PDE10A: variants seen among roughly 807,000 people sequenced by gnomAD.
PDE10A encodes the protein phosphodiesterase 10A, also known as cAMP and cAMP-inhibited cGMP 3',5'-cyclic phosphodiesterase 10A.
PDE10A carries 39 observed loss-of-function variants against 97.7 expected under a neutral mutation model. The observed-to-expected ratio is 0.40, with a 90% CI of 0.31 to 0.52. The LOEUF (loss-of-function observed/expected upper bound fraction) is 0.52, where lower values mean the gene tolerates loss of function less well. Among genes scored for constraint, PDE10A ranks in the 20% least tolerant of loss-of-function variants. The pLI, the probability that PDE10A is intolerant of heterozygous loss-of-function variation, is 0.56. For missense variants in PDE10A, 731 were observed against 1,047.8 expected, an observed-to-expected ratio of 0.70 and a Z score of 4.17; for synonymous variants, 371 against 376.8, an observed-to-expected ratio of 0.98 and a Z score of 0.18.
intron 18 of PDE10A, among the ~76,000 whole-genome samples, chr6:165,349,686 C>A (rs570282918): frequency 6.6e-6 from 1 of 152,318 alleles, no homozygotes; most frequent in African/African-American, 2.4e-5. Flanking sequence ...CCATCACAAG[C>A]CCAGAGGCCC....
intron 1 of PDE10A, among the ~76,000 whole-genome samples, chr6:165,708,574 T>C (rs1303519711): frequency 6.6e-6 from 1 of 150,748 alleles, no homozygotes; most frequent in Non-Finnish European, 1.5e-5. Flanking sequence ...TCGTCCGTGC[T>C]CCTCCCCATC....
rs916612280 is a variant in PDE10A, at chr6:165,431,429, T to C, written c.1535A>G (p.Gln512Arg). The change falls in exon 8 of 22, where the codon CAG becomes CGG. Residue 512 changes from glutamine to arginine, a missense_variant. Gln to Arg is a conservative substitution (Grantham distance 43). Transcript: ENST00000539869. ...NLAWASVAIH[Q>R]VQVCRGLAKQ... Reference sequence around the variant, plus strand: ...AACACCCCAAAGACTCACCTGCACCTGATGTATTGCTACTGAAGCCCAGGC... The same window carrying C: ...AACACCCCAAAGACTCACCTGCACCCGATGTATTGCTACTGAAGCCCAGGC... 4 of 1,598,220 alleles carry C rather than the reference T, an allele frequency of 2.5e-6. No individual in the cohort carries two copies. Among genetic ancestry groups the C allele is most frequent in the Non-Finnish European group, 3.4e-6 (4 of 1,170,596 alleles).
chr6:165,750,034 G>A (rs373643433), intron 1 of PDE10A, among the ~76,000 whole-genome samples: 1 of 152,254 alleles, frequency 6.6e-6, no homozygotes, highest in Non-Finnish European at 1.5e-5. Flanking sequence ...AAGCTTCTCC[G>A]GGGGCAGTTG....
At chr6:165,426,445 C>T (rs1041343185) in intron 10 of PDE10A, among the ~76,000 whole-genome samples, 3 of 152,054 alleles carry the variant, frequency 2.0e-5, no homozygotes, top group African/African-American at 7.2e-5. Flanking sequence ...TGAAACTGGA[C>T]CTTTACCAAA....
rs1447629789 is a variant in PDE10A, at chr6:165,662,617, C to A, written c.195G>T (p.Pro65=). 1 of 142,850 alleles carries A rather than the reference C, an allele frequency of 7.0e-6. No homozygotes were observed. The highest frequency in any genetic ancestry group is 2.5e-5 in the African/African-American group (1 of 39,852). 8.8% of individuals were successfully genotyped at this position (142,850 alleles called of 1,614,324 possible). ...GRGRAERAAP[P]RPPLSSAGRP... ...GGCCTGCGGAGGAGAGGGGCGGGCG[C>A]GGGGGCGCGGCGCGCTCCGCCCGGC... Residue 65 remains proline, a synonymous_variant, in exon 1 of 22, where the codon CCG becomes CCT. Coordinates refer to ENST00000539869, the MANE Select transcript of PDE10A (RefSeq NM_001385079.1).
chr6:165,705,358 G>A (rs58508234), intron 1 of PDE10A, among the ~76,000 whole-genome samples: 2,431 of 152,330 alleles, frequency 0.016, 65 homozygotes, highest in African/African-American at 0.056. Context: ...CAGATGCCAG[G>A]GTCCCACTGG....
chr6:165,692,008 A>T (rs1262134755), intron 1 of PDE10A, among the ~76,000 whole-genome samples: 1 of 152,184 alleles, frequency 6.6e-6, no homozygotes, highest in Non-Finnish European at 1.5e-5. Context: ...ATTCCTTACC[A>T]TGAATCATCT....
chr6:165,664,034 G>C (rs1790429140), upstream of PDE10A, among the ~76,000 whole-genome samples: 1 of 152,214 alleles, frequency 6.6e-6, no homozygotes, highest in Admixed American at 6.5e-5. Context: ...GGCGCGCTGG[G>C]TCCGAGGAGG....
At chr6:165,497,000 CAG>C (rs1583408473) in intron 2 of PDE10A, among the ~76,000 whole-genome samples, 1 of 152,200 alleles carries the variant, frequency 6.6e-6, no homozygotes, top group East Asian at 1.9e-4. Flanking sequence ...CACTACTTTG[CAG>C]AGTTACCAAT....
At chr6:165,889,680 T>G (rs11756707) in intron 1 of PDE10A, among the ~76,000 whole-genome samples, 57,647 of 151,890 alleles carry the variant, frequency 0.38, 11,607 homozygotes, top group East Asian at 0.66. Flanking sequence ...TCCTTCTGTT[T>G]CCCCTCAAGT....
chr6:165,511,317 T>C (rs966424780), intron 2 of PDE10A, among the ~76,000 whole-genome samples: 11 of 152,046 alleles, frequency 7.2e-5, no homozygotes, highest in African/African-American at 2.2e-4. Flanking sequence ...TTAATTTCCA[T>C]GCATTTGTCT....
chr6:165,517,154 C>T (rs1037152077), intron 2 of PDE10A, among the ~76,000 whole-genome samples: 10 of 152,232 alleles, frequency 6.6e-5, no homozygotes, highest in African/African-American at 2.4e-4. Context: ...GAATGCCTGG[C>T]AAGTTATGCC....
Position 165,609,151 on chromosome 6 carries a change from G to T in PDE10A, c.865+52796C>A, listed in dbSNP as rs548009879. Among the ~76,000 whole-genome samples, 46 of 152,218 alleles carry T rather than the reference G, an allele frequency of 3.0e-4. No homozygotes were observed. In the East Asian group the frequency reaches 6.8e-3, roughly 22 times the overall value. On this transcript the variant is annotated intron_variant, in intron 1 of 21. Transcript: ENST00000539869. The stretch of plus-strand genomic sequence containing the variant: ...GTCAATTTTGGCTTTTGTTGCCATT[G>T]CTTTTGGTGTTTTAGACATGAAATC...
intron 1 of PDE10A, among the ~76,000 whole-genome samples, chr6:165,854,507 G>T (rs1780661612): frequency 6.6e-6 from 1 of 152,214 alleles, no homozygotes; most frequent in African/African-American, 2.4e-5. Flanking sequence ...CTCGCGGCCA[G>T]ACAAGGAGCC....
chr6:165,634,592 A>C (rs1033253492), intron 1 of PDE10A, among the ~76,000 whole-genome samples: 2 of 152,192 alleles, frequency 1.3e-5, no homozygotes, highest in African/African-American at 4.8e-5. Context: ...GAAAGCAAAC[A>C]AGAGGTAGGG....
intron 15 of PDE10A, among the ~76,000 whole-genome samples, 153 bp downstream of exon 15, chr6:165,395,027 CT>C (rs1475480858): frequency 6.6e-6 from 1 of 152,062 alleles, no homozygotes; most frequent in Non-Finnish European, 1.5e-5. Context: ...AATCTCAGCC[CT>C]TTTTTATTGG....
At chr6:165,951,447 C>A (rs1264689230) in intron 1 of PDE10A, among the ~76,000 whole-genome samples, 1 of 152,120 alleles carries the variant, frequency 6.6e-6, no homozygotes, top group Non-Finnish European at 1.5e-5. Flanking sequence ...CCGTGTCCAG[C>A]ATCCTTCAGC....
At chr6:165,416,099 G>A (rs188950299) in intron 12 of PDE10A, 90 bp downstream of exon 12, 98 of 822,888 alleles carry the variant, frequency 1.2e-4, no homozygotes, top group African/African-American at 1.0e-3. Flanking sequence ...GAATTGGGAC[G>A]TGGAGAACTC....
chr6:165,348,612 C>A (rs578233931), intron 18 of PDE10A, among the ~76,000 whole-genome samples: 2 of 152,176 alleles, frequency 1.3e-5, no homozygotes, highest in Admixed American at 1.3e-4. Flanking sequence ...CCCTGCATTA[C>A]GTTTCCTCTC....
Sources: gnomAD v4.1 joint callset for allele counts (sites outside exome capture counted in the v4.1 genomes callset) on GRCh38, gnomAD v4.1.1 for gene constraint, MANE v1.5 for transcripts, NCBI Gene and HGNC (gene_info 2026-07-23, HGNC 2026-07-21) for gene names.